The following AGBL1 variants were observed in gnomAD, a reference collection of about 807,000 sequenced individuals.
The protein encoded by AGBL1 is cytosolic carboxypeptidase 4.
In AGBL1, 130 loss-of-function variants were observed where a neutral mutation model predicts 118.9. The ratio of observed to expected loss-of-function variants is 1.09; its 90% CI spans 0.95 to 1.26. The LOEUF is 1.26. Ranked by LOEUF, AGBL1 falls within the 50% of genes most tolerant of loss-of-function variation. The pLI, the probability that AGBL1 is intolerant of heterozygous loss-of-function variation, is 0.00. For synonymous variants in AGBL1, 555 were observed against 478.9 expected (o/e 1.16, Z -2.08); for missense variants, 1,584 against 1,298.1 (o/e 1.22, Z -3.38).
chr15:86,984,501 G>A (rs1037991373), intron 23 of AGBL1, among the ~76,000 whole-genome samples: 3 of 151,780 alleles, frequency 2.0e-5, no homozygotes, highest in East Asian at 1.9e-4. Flanking sequence ...AAGTAGCTGC[G>A]GTTGCAGGCA....
At position 86,710,186 on chromosome 15, in the gene AGBL1, T is replaced by C. The variant is rs997615769; in HGVS notation, c.3158+35750T>C. Among the ~76,000 whole-genome samples the C allele has an allele frequency of 4.8e-5, 7 of 145,512 alleles. No individual in the cohort carries two copies. The Admixed American group carries it at 4.8e-4, about 10-fold the overall frequency. ...CTGATTTGCTGAACTTAGAAAAAAA[T>C]GTGACAGCCAATCCTTCAGATGCAT... is the stretch of plus-strand genomic sequence containing the variant. On this transcript the variant is annotated intron_variant, in intron 22 of 22. Coordinates refer to ENST00000614907, the MANE Select transcript of AGBL1 (RefSeq NM_001386094.1).
At chr15:86,784,482 G>T (rs1567172568) in intron 22 of AGBL1, among the ~76,000 whole-genome samples, 1 of 152,154 alleles carries the variant, frequency 6.6e-6, no homozygotes, top group Non-Finnish European at 1.5e-5. Flanking sequence ...TGAATGCAGA[G>T]ACCCAGGTTC....
At chr15:86,861,206 G>A (rs1189759447) in intron 22 of AGBL1, among the ~76,000 whole-genome samples, 2 of 152,094 alleles carry the variant, frequency 1.3e-5, no homozygotes, top group Admixed American at 1.3e-4. Context: ...TCATTCAAAG[G>A]TGTCTATGAT....
chr15:87,015,520 T>C (rs1367961377), intron 24 of AGBL1, among the ~76,000 whole-genome samples: 6 of 152,198 alleles, frequency 3.9e-5, no homozygotes, highest in Admixed American at 3.3e-4. Context: ...AGCTATGTGA[T>C]TCATTGCAAC....
chr15:86,751,715 C>T (rs2077855573), intron 22 of AGBL1, among the ~76,000 whole-genome samples: 1 of 152,074 alleles, frequency 6.6e-6, no homozygotes, highest in Non-Finnish European at 1.5e-5. Context: ...TATTACATAT[C>T]TTATTTAAAT....
chr15:86,467,767 C>T (rs1049882133), intron 18 of AGBL1, among the ~76,000 whole-genome samples: 1 of 152,152 alleles, frequency 6.6e-6, no homozygotes, highest in Non-Finnish European at 1.5e-5. Context: ...AGGCGATGCC[C>T]CAACCCTGCT....
intron 21 of AGBL1, among the ~76,000 whole-genome samples, chr15:86,603,800 G>A (rs1315902289): frequency 6.6e-6 from 1 of 152,176 alleles, no homozygotes; most frequent in Non-Finnish European, 1.5e-5. Flanking sequence ...AGAGGGCCCT[G>A]TGGACATTTG....
intron 1 of AGBL1, among the ~76,000 whole-genome samples, chr15:86,097,353 T>G (rs1896444166): frequency 6.6e-6 from 1 of 152,156 alleles, no homozygotes; most frequent in Admixed American, 6.5e-5. Flanking sequence ...TATTTAAATA[T>G]ACAATACATT....
At position 86,210,854 on chromosome 15, in the gene AGBL1, C is replaced by T. The variant is rs146504378; in HGVS notation, c.489-14060C>T. ...TGTCATTCTCCGTCCAGGTTTGTTCCGTTGTTGGTGAGGAGCTGCAATCCT... is the reference window on the plus strand; with the variant it reads ...TGTCATTCTCCGTCCAGGTTTGTTCTGTTGTTGGTGAGGAGCTGCAATCCT... On this transcript the variant is annotated intron_variant, in intron 5 of 22. Transcript: ENST00000614907. Among the ~76,000 whole-genome samples the T allele has an allele frequency of 7.5e-3, 1,144 of 152,234 alleles. 18 individuals carry two copies. Among genetic ancestry groups the T allele is most frequent in the African/African-American group, 0.026 (1,071 of 41,530 alleles).
chr15:86,993,399 A>G (rs1261264241), intron 24 of AGBL1, among the ~76,000 whole-genome samples: 1 of 152,226 alleles, frequency 6.6e-6, no homozygotes, highest in Non-Finnish European at 1.5e-5. Context: ...CATGGCTGAT[A>G]TGGAAACCCA....
chr15:86,876,679 C>A (rs911203866), intron 22 of AGBL1, among the ~76,000 whole-genome samples: 1 of 152,180 alleles, frequency 6.6e-6, no homozygotes, highest in Non-Finnish European at 1.5e-5. Flanking sequence ...TTCAACTCTG[C>A]CCTTGTAGCA....
intron 1 of AGBL1, 178 bp downstream of exon 1, chr15:86,080,201 A>G (rs1895172936): frequency 2.5e-6 from 1 of 406,432 alleles, no homozygotes; most frequent in Non-Finnish European, 4.3e-6. Context: ...TGGAATTCAA[A>G]TATTAAACAC....
intron 17 of AGBL1, among the ~76,000 whole-genome samples, chr15:86,356,373 C>T (rs2080720477): frequency 6.6e-6 from 1 of 151,402 alleles, no homozygotes; most frequent in South Asian, 2.1e-4. Flanking sequence ...CGCCCGCACG[C>T]ACGCGCATGT....
chr15:86,851,236 T>G (rs537025569), intron 22 of AGBL1, among the ~76,000 whole-genome samples: 1 of 152,078 alleles, frequency 6.6e-6, no homozygotes, highest in Non-Finnish European at 1.5e-5. Context: ...TGGGAGAAAA[T>G]TGAAAGCTGG....
intron 21 of AGBL1, among the ~76,000 whole-genome samples, chr15:86,664,912 G>A (rs927621780): frequency 3.3e-5 from 5 of 151,960 alleles, no homozygotes; most frequent in African/African-American, 1.2e-4. Context: ...CTGAAGGAAA[G>A]AATGAGTGGC....
At chr15:86,372,246 T>A (rs188446348) in intron 17 of AGBL1, among the ~76,000 whole-genome samples, 3 of 152,366 alleles carry the variant, frequency 2.0e-5, no homozygotes, top group African/African-American at 4.8e-5. Flanking sequence ...ACCCATTTGG[T>A]TGGCTTAGTC....
chr15:86,667,238 G>C (rs534736138), intron 21 of AGBL1, among the ~76,000 whole-genome samples: 2,131 of 100,930 alleles, frequency 0.021, 41 homozygotes, highest in East Asian at 0.11. Flanking sequence ...ATGTATGTAT[G>C]TATGTATGTA....
intron 6 of AGBL1, among the ~76,000 whole-genome samples, chr15:86,241,779 A>G (rs1883747639): frequency 6.6e-6 from 1 of 152,260 alleles, no homozygotes; most frequent in Non-Finnish European, 1.5e-5. Flanking sequence ...TTCAAACTGT[A>G]ACATTGAGTA....
chr15:86,735,230 C>T (rs535568797), intron 22 of AGBL1, among the ~76,000 whole-genome samples: 5 of 152,042 alleles, frequency 3.3e-5, no homozygotes, highest in African/African-American at 7.2e-5. Context: ...TACAGGCACC[C>T]GACACCGTGC....
Sources: allele counts gnomAD v4.1 joint callset (sites outside exome capture counted in the v4.1 genomes callset), GRCh38; gene constraint gnomAD v4.1.1; transcripts MANE v1.5; gene names NCBI Gene and HGNC (gene_info 2026-07-23, HGNC 2026-07-21).